CAMTA1: variants seen among roughly 807,000 people sequenced by gnomAD.
CAMTA1 encodes calmodulin binding transcription activator 1.
CAMTA1 carries 27 observed loss-of-function variants against 170.9 expected under a neutral mutation model. That is an observed-to-expected ratio of 0.16 (90% CI 0.12 to 0.22). The LOEUF (loss-of-function observed/expected upper bound fraction) is 0.22, where lower values mean the gene tolerates loss of function less well. Among genes scored for constraint, CAMTA1 ranks in the 10% least tolerant of loss-of-function variants. The pLI, the probability that CAMTA1 is intolerant of heterozygous loss-of-function variation, is 1.00. For synonymous variants in CAMTA1, 833 were observed against 891.5 expected, an observed-to-expected ratio of 0.93 and a Z score of 1.17; for missense variants, 1,619 against 2,217.2, an observed-to-expected ratio of 0.73 and a Z score of 5.42.
At chr1:7,250,485 T>C (rs1666464380) in intron 5 of CAMTA1, among the ~76,000 whole-genome samples, 1 of 152,210 alleles carries the variant, frequency 6.6e-6, no homozygotes, top group Non-Finnish European at 1.5e-5. Context: ...CCACCTGTTA[T>C]TTCGAACGGG....
chr1:7,666,523 C>T (rs970215612), intron 9 of CAMTA1, among the ~76,000 whole-genome samples: 1 of 152,206 alleles, frequency 6.6e-6, no homozygotes, highest in African/African-American at 2.4e-5. Flanking sequence ...CAGAATAGCA[C>T]AGGAAGGGGA....
At position 7,732,909 on chromosome 1, in the gene CAMTA1, G is replaced by T. The variant is rs540145816; in HGVS notation, c.3066+310G>T. On this transcript the variant is annotated intron_variant, in intron 12 of 22. Transcript: ENST00000303635. The surrounding 1 kb of genome is among the most constrained non-coding windows in gnomAD (Gnocchi z 4.1). ...AAGGACAACCAATTGAAAAATAGAGGCTGGCTGGGCATGGTGGCTCACGCC... is the reference window on the plus strand; with the variant it reads ...AAGGACAACCAATTGAAAAATAGAGTCTGGCTGGGCATGGTGGCTCACGCC... Among the ~76,000 whole-genome samples the T allele has an allele frequency of 8.5e-5, 13 of 152,206 alleles. No homozygotes were observed. In the East Asian group the frequency reaches 2.5e-3, roughly 29 times the overall value.
intron 5 of CAMTA1, 111 bp from the exon 6 acceptor site, chr1:7,467,719 G>A: frequency 1.0e-6 from 1 of 984,128 alleles, no homozygotes; most frequent in South Asian, 1.3e-5. Context: ...GTCTCCCTGG[G>A]CCGCTGCCAG....
chr1:7,281,826 TG>T (rs1671559045), intron 5 of CAMTA1, among the ~76,000 whole-genome samples: 1 of 151,522 alleles, frequency 6.6e-6, no homozygotes, highest in Non-Finnish European at 1.5e-5. Context: ...TGTGTGTGTG[TG>T]TGTGTGTGTG....
chr1:7,395,350 T>A (rs1485302607), intron 5 of CAMTA1, among the ~76,000 whole-genome samples: 1 of 152,206 alleles, frequency 6.6e-6, no homozygotes, highest in East Asian at 1.9e-4. Context: ...TGTGTATTAT[T>A]GTTGCCTTTG....
intron 6 of CAMTA1, among the ~76,000 whole-genome samples, chr1:7,631,616 A>T (rs568115732): frequency 6.6e-6 from 1 of 152,274 alleles, no homozygotes; most frequent in Non-Finnish European, 1.5e-5. Flanking sequence ...CCACAGTACT[A>T]TGCATTGGAG....
intron 4 of CAMTA1, among the ~76,000 whole-genome samples, chr1:7,236,317 G>T (rs187179515): frequency 2.0e-5 from 3 of 151,506 alleles, no homozygotes; most frequent in African/African-American, 7.3e-5. Flanking sequence ...CAGAGGAGAC[G>T]TTCCTTCATC....
Position 7,347,296 on chromosome 1 carries a change from C to T in CAMTA1, c.438+97670C>T, listed in dbSNP as rs184557533. 5.4e-3 allele frequency among the ~76,000 whole-genome samples: 817 copies of T among 152,310 alleles called. 3 individuals are homozygous for T. The highest frequency in any genetic ancestry group is 8.3e-3 in the Non-Finnish European group (565 of 68,016). On this transcript the variant is annotated intron_variant, in intron 5 of 22. Coordinates refer to ENST00000303635, the MANE Select transcript of CAMTA1 (RefSeq NM_015215.4). The stretch of plus-strand genomic sequence containing the variant: ...GGCTTCTGGACTCATCCCTCATTTT[C>T]TCAAAGGAGAGCCAAGCTCCGGAGA...
intron 3 of CAMTA1, among the ~76,000 whole-genome samples, chr1:7,020,260 G>T (rs1385862737): frequency 6.6e-6 from 1 of 152,216 alleles, no homozygotes; most frequent in Non-Finnish European, 1.5e-5. Context: ...GGTCCCATAA[G>T]ATGCTAACGC....
At position 7,499,672 on chromosome 1, in the gene CAMTA1, T is replaced by C. The variant is rs375042537; in HGVS notation, c.510+31771T>C. Among the ~76,000 whole-genome samples, 17 of 140,928 alleles carry C rather than the reference T, an allele frequency of 1.2e-4. No individual in the cohort carries two copies. The East Asian group carries it at 3.9e-3, about 32-fold the overall frequency. The allele number at this position is 140,928 out of a possible 152,430, so 92.5% of individuals were successfully genotyped here. The stretch of plus-strand genomic sequence containing the variant: ...ATGTGTATGTGAGTGTGTGCATGAG[T>C]GTGTGTGAACCTGGTGTGCGTGCAT... On this transcript the variant is annotated intron_variant, in intron 6 of 22. Coordinates refer to ENST00000303635, the MANE Select transcript of CAMTA1 (RefSeq NM_015215.4).
intron 11 of CAMTA1, among the ~76,000 whole-genome samples, chr1:7,720,068 A>G (rs4908686): frequency 0.38 from 57,365 of 152,154 alleles, 10,930 homozygotes; most frequent in African/African-American, 0.42. Flanking sequence ...AAGACCTGAG[A>G]TGGCTCAGCT....
At chr1:7,231,621 T>A (rs1662853786) in intron 4 of CAMTA1, among the ~76,000 whole-genome samples, 1 of 152,064 alleles carries the variant, frequency 6.6e-6, no homozygotes, top group South Asian at 2.1e-4. Flanking sequence ...AATCCACTCA[T>A]CTCAGCCTCC....
At chr1:6,806,877 T>C in intron 1 of CAMTA1, 1 of 407,654 alleles carries the variant, frequency 2.5e-6, no homozygotes, top group Admixed American at 4.3e-5. Context: ...TCAGAAGATA[T>C]TTTAGGACCT....
chr1:7,408,776 T>A (rs763162), intron 5 of CAMTA1, among the ~76,000 whole-genome samples: 44,143 of 152,090 alleles, frequency 0.29, 6,925 homozygotes, highest in Non-Finnish European at 0.34. Context: ...AGGACAATGG[T>A]GATCATCTAG....
chr1:7,279,608 C>G (rs999477043), intron 5 of CAMTA1, among the ~76,000 whole-genome samples: 1 of 152,172 alleles, frequency 6.6e-6, no homozygotes, highest in Admixed American at 6.5e-5. Flanking sequence ...ACAAAATGGT[C>G]AGGTTTCTGC....
chr1:7,477,284 G>T (rs942586499), intron 6 of CAMTA1, among the ~76,000 whole-genome samples: 1 of 152,058 alleles, frequency 6.6e-6, no homozygotes, highest in East Asian at 1.9e-4. Context: ...TTGGAAAAGA[G>T]AGTTGAGGAT....
chr1:6,976,663 G>A (rs1693481263), intron 3 of CAMTA1, among the ~76,000 whole-genome samples: 1 of 152,140 alleles, frequency 6.6e-6, no homozygotes, highest in South Asian at 2.1e-4. Context: ...CTGAGAGGGA[G>A]GAGCCAAGCT....
intron 4 of CAMTA1, among the ~76,000 whole-genome samples, chr1:7,103,856 CACAT>C (rs1643181015): frequency 2.8e-5 from 1 of 35,694 alleles, no homozygotes; most frequent in South Asian, 6.9e-4. Context: ...ACACACAACA[CACAT>C]ACACACACAC....
At chr1:7,343,940 T>C (rs2084029310) in intron 5 of CAMTA1, among the ~76,000 whole-genome samples, 1 of 152,382 alleles carries the variant, frequency 6.6e-6, no homozygotes. Context: ...CACCGAACTC[T>C]TCTGCCTTTG....
Sources: allele counts gnomAD v4.1 joint callset (sites outside exome capture counted in the v4.1 genomes callset), GRCh38; gene constraint gnomAD v4.1.1; non-coding constraint Gnocchi (gnomAD v3.1); transcripts MANE v1.5; gene names NCBI Gene and HGNC (gene_info 2026-07-23, HGNC 2026-07-21).